CATSPER2: variants seen among roughly 807,000 people sequenced by gnomAD.
The protein encoded by CATSPER2 is cation channel sperm associated 2.
CATSPER2 carries 56 observed loss-of-function variants against 68.8 expected under a neutral mutation model. The observed-to-expected ratio is 0.81, with a 90% confidence interval of 0.66 to 1.02. The LOEUF is 1.02. CATSPER2 is among the 50% of genes least tolerant of loss of function. CATSPER2 has a pLI of 0.00. For missense variants in CATSPER2, 582 were observed against 642.0 expected (o/e 0.91, Z 1.01); for synonymous variants, 198 against 229.9 (o/e 0.86, Z 1.26).
rs189024908 is a variant in CATSPER2 at position 43,648,670 on chromosome 15, G to C, written c.-44C>G. 2.1e-6 allele frequency: 3 copies of C among 1,419,390 alleles called. No individual in the cohort carries two copies. The highest frequency in any genetic ancestry group is 2.8e-6 in the Non-Finnish European group (3 of 1,090,346). The allele number at this position is 1,419,390 out of a possible 1,614,324, so 87.9% of individuals were successfully genotyped here. On this transcript the variant is annotated 5_prime_UTR_variant, in exon 1 of 13. Coordinates refer to ENST00000396879, the MANE Select transcript of CATSPER2 (RefSeq NM_172095.4). ...TTTGCCCACTCAGTCCTTATTTCAC[G>C]CTTCCGCCTCCAGCTCAGGTGCCCC...
intron 5 of CATSPER2, 112 bp from the exon 6 acceptor site, chr15:43,639,910 G>C: frequency 6.3e-7 from 1 of 1,597,492 alleles, no homozygotes; most frequent in Non-Finnish European, 8.5e-7. Context: ...CCCTTGAATA[G>C]CATTCTCTGA....
chr15:43,639,864 T>G, intron 5 of CATSPER2, 66 bp from the exon 6 acceptor site: 1 of 1,605,928 alleles, frequency 6.2e-7, no homozygotes, highest in Non-Finnish European at 8.5e-7. Context: ...TTGCAGCTTC[T>G]TCATCTTATC....
intron 4 of CATSPER2, among the ~76,000 whole-genome samples, chr15:43,644,416 T>C (rs181195902): frequency 5.9e-5 from 9 of 152,052 alleles, no homozygotes; most frequent in Admixed American, 4.6e-4. Context: ...AGTGACCATG[T>C]TTCATATTCA....
Position 43,647,003 on chromosome 15 carries a change from C to T in CATSPER2, c.388+47G>A, listed in dbSNP as rs117322961. 6.1e-5 allele frequency: 93 copies of T among 1,515,460 alleles called. 2 individuals carry two copies. The South Asian group carries it at 7.6e-4, about 12-fold the overall frequency. The allele number at this position is 1,515,460 out of a possible 1,614,324, so 93.9% of individuals were successfully genotyped here. A position where few individuals can be genotyped will look rare whatever the true frequency, so the allele number is the denominator to read the frequency against. On this transcript the variant is annotated intron_variant, in intron 4 of 12. Coordinates refer to ENST00000396879, the MANE Select transcript of CATSPER2 (RefSeq NM_172095.4). The stretch of plus-strand genomic sequence containing the variant: ...AAGTGCTAGGATTACACGTGTGAGC[C>T]GGCGTGCCCGGCCTCACTTCCTCTT...
chr15:43,638,192 G>A (rs1220459192), intron 7 of CATSPER2, among the ~76,000 whole-genome samples: 1 of 150,246 alleles, frequency 6.7e-6, no homozygotes, highest in Admixed American at 6.6e-5. Flanking sequence ...TGACTCAGGT[G>A]ATCCACCTGT....
intron 4 of CATSPER2, among the ~76,000 whole-genome samples, chr15:43,642,045 G>A (rs368914126): frequency 5.9e-5 from 9 of 151,304 alleles, no homozygotes; most frequent in African/African-American, 1.2e-4. Flanking sequence ...TTTCTTTCAC[G>A]TAAGTTTCTC....
At chr15:43,631,884 G>A (rs536214829) in intron 12 of CATSPER2, among the ~76,000 whole-genome samples, 2 of 151,990 alleles carry the variant, frequency 1.3e-5, no homozygotes, top group South Asian at 4.2e-4. Context: ...TCAAGCAAGA[G>A]CCTACCTTGT....
At chr15:43,645,720 G>A (rs1353280928) in intron 4 of CATSPER2, among the ~76,000 whole-genome samples, 1 of 151,730 alleles carries the variant, frequency 6.6e-6, no homozygotes, top group African/African-American at 2.4e-5. Flanking sequence ...CTGAGCCCTG[G>A]AGGTCGAGGC....
intron 4 of CATSPER2, among the ~76,000 whole-genome samples, chr15:43,641,412 C>T (rs910890401): frequency 5.3e-5 from 8 of 151,514 alleles, no homozygotes; most frequent in African/African-American, 1.7e-4. Context: ...CACACCTGGC[C>T]GAAACCTATT....
rs2614835 is a variant in CATSPER2, at chr15:43,648,039, T to C, written c.23A>G (p.Glu8Gly). 1.2e-3 allele frequency: 1,871 copies of C among 1,613,058 alleles called. 17 individuals are homozygous for C. Among genetic ancestry groups the C allele is most frequent in the African/African-American group, 2.8e-3 (212 of 74,918 alleles). Reference protein sequence around the residue: MAAYQQEEQMQLPRADAI... With the variant: MAAYQQEGQMQLPRADAI... ...ATCAGCTCGGGGAAGCTGCATCTGC[T>C]CTTCTTGTTGGTAAGCGGCCATGTC... The change falls in exon 2 of 13, where the codon GAG becomes GGG. Residue 8 changes from glutamate to glycine, a missense_variant. Transcript: ENST00000396879.
intron 3 of CATSPER2, 30 bp from the exon 4 acceptor site, chr15:43,647,148 G>C: frequency 6.3e-7 from 1 of 1,593,526 alleles, no homozygotes; most frequent in East Asian, 2.2e-5. Flanking sequence ...TGTACAGAGT[G>C]GAGTTCTTTC....
At chr15:43,641,542 T>C (rs2141570260) in intron 4 of CATSPER2, among the ~76,000 whole-genome samples, 1 of 150,238 alleles carries the variant, frequency 6.7e-6, no homozygotes, top group East Asian at 1.9e-4. Context: ...CAGATTATAA[T>C]AGGCTTAAGA....
Position 43,648,777 on chromosome 15 carries a change from C to A in CATSPER2, c.-151G>T. The A allele has an allele frequency of 6.5e-7, 1 of 1,530,758 alleles. No homozygotes were observed. Among genetic ancestry groups the A allele is most frequent in the Non-Finnish European group, 8.8e-7 (1 of 1,142,362 alleles). The allele number at this position is 1,530,758 out of a possible 1,614,324, so 94.8% of individuals were successfully genotyped here. A position where few individuals can be genotyped will look rare whatever the true frequency, so the allele number is the denominator to read the frequency against. On this transcript the variant is annotated 5_prime_UTR_variant, in exon 1 of 13. Coordinates refer to ENST00000396879, the MANE Select transcript of CATSPER2 (RefSeq NM_172095.4). ...CCCCATTCCCCGCCCCGCTCGACCC[C>A]CAGGTTTCGGCTCACCCCGGGACCC...
In CATSPER2 at chr15:43,639,723, G is replaced by A. The variant is rs749949519; in HGVS notation, c.637C>T (p.Arg213Trp). Residue 213 changes from arginine to tryptophan, a missense_variant, in exon 6 of 13, where the codon CGG becomes TGG. By Grantham distance (101) the Arg-to-Trp change is moderately radical. Coordinates refer to ENST00000396879, the MANE Select transcript of CATSPER2 (RefSeq NM_172095.4). ...SVWLQLLRIC[R>W]VLRSLKLLAQ... ...AGGAGTTTGAGAGACCTCAGCACCC[G>A]GCAGATCCTCAGAAGCTGAAGCCAC... The A allele has an allele frequency of 5.2e-5, 84 of 1,612,910 alleles. 1 individual carries two copies. Among genetic ancestry groups the A allele is most frequent in the Non-Finnish European group, 6.8e-5 (80 of 1,179,538 alleles).
At position 43,635,385 on chromosome 15, in the gene CATSPER2, A is replaced by C. The variant is rs1244354485; in HGVS notation, c.1153T>G (p.Ser385Ala). The C allele has an allele frequency of 2.5e-6, 4 of 1,610,472 alleles. No homozygotes were observed. The African/African-American group carries it at 5.4e-5, about 22-fold the overall frequency. Residue 385 changes from serine to alanine, a missense_variant, in exon 10 of 13, where the codon TCA becomes GCA. Ser to Ala is a moderately conservative substitution (Grantham distance 99). Transcript: ENST00000396879. ...RKNMSHEALT[S>A]SHSKIEDSSR... The stretch of plus-strand genomic sequence containing the variant: ...CTGTCCTCTATTTTGCTATGGCTTG[A>C]CGTCAGTGCTTCATGTGACATGTTT...
chr15:43,639,894 C>T (rs373900808), intron 5 of CATSPER2, 96 bp from the exon 6 acceptor site: 6 of 1,603,720 alleles, frequency 3.7e-6, no homozygotes, highest in African/African-American at 2.7e-5. Flanking sequence ...GTTCCCTGGG[C>T]GTTATCCCTT....
chr15:43,640,594 T>C (rs2086055591), intron 4 of CATSPER2, 98 bp from the exon 5 acceptor site: 7 of 1,513,464 alleles, frequency 4.6e-6, no homozygotes, highest in African/African-American at 2.7e-5. Context: ...TGCCCACTAC[T>C]GTTCCATTTT....
chr15:43,640,480 T>C lies in CATSPER2; in HGVS notation c.405A>G (p.Thr135=), dbSNP rs769438098. The C allele has an allele frequency of 5.6e-6, 9 of 1,613,380 alleles. No homozygotes were observed. Among genetic ancestry groups the C allele is most frequent in the Middle Eastern group, 1.7e-4 (1 of 6,056 alleles). ...LMVEIELLES[T]NTKLWPLKLT... ...GCTTCAATGGCCATAGTTTGGTATT[T>C]GTGGATTCCAGCAATTCTGTGAAGA... The change falls in exon 5 of 13, where the codon ACA becomes ACG. Residue 135 remains threonine, a synonymous_variant. Coordinates refer to ENST00000396879, the MANE Select transcript of CATSPER2 (RefSeq NM_172095.4).
At chr15:43,641,234 A>T (rs1414808355) in intron 4 of CATSPER2, among the ~76,000 whole-genome samples, 1 of 151,148 alleles carries the variant, frequency 6.6e-6, no homozygotes, top group Admixed American at 6.6e-5. Context: ...CTCCTGCCTC[A>T]GCCTTCCGAG....
Sources: gnomAD v4.1 joint callset for allele counts (sites outside exome capture counted in the v4.1 genomes callset) on GRCh38, gnomAD v4.1.1 for gene constraint, MANE v1.5 for transcripts, NCBI Gene and HGNC (gene_info 2026-07-23, HGNC 2026-07-21) for gene names.